PPP1R15B: variants seen among roughly 807,000 people sequenced by gnomAD.
PPP1R15B encodes the protein protein phosphatase 1 regulatory subunit 15B, also known as protein phosphatase 1, regulatory (inhibitor) subunit 15B.
In PPP1R15B, 31 loss-of-function variants were observed where a neutral mutation model predicts 53.9. The observed-to-expected ratio is 0.58, with a 90% CI of 0.43 to 0.78. The LOEUF is 0.78. PPP1R15B is among the 30% of genes least tolerant of loss of function. The pLI is 0.00. For missense variants in PPP1R15B, 928 were observed against 849.6 expected (o/e 1.09, Z -1.15); for synonymous variants, 345 against 329.1 (o/e 1.05, Z -0.52).
At position 204,411,464 on chromosome 1, in the gene PPP1R15B, G is replaced by C. The variant is rs1674378428; in HGVS notation, c.-53C>G. 1.3e-6 allele frequency: 2 copies of C among 1,568,850 alleles called. No individual in the cohort carries two copies. The highest frequency in any genetic ancestry group is 2.3e-5 in the South Asian group (2 of 85,170). On this transcript the variant is annotated 5_prime_UTR_variant, in exon 1 of 2. Coordinates refer to ENST00000367188, the MANE Select transcript of PPP1R15B (RefSeq NM_032833.5). ...AGGGCCGCGGCGCTCAGCGGCTGGA[G>C]GTCGACGGGATTCGGAGGAAGCCTA...
Position 204,409,733 on chromosome 1 carries a change from C to T in PPP1R15B, c.1679G>A (p.Cys560Tyr). The T allele has an allele frequency of 1.2e-6, 2 of 1,614,148 alleles. No individual in the cohort carries two copies. Among genetic ancestry groups the T allele is most frequent in the Non-Finnish European group, 1.7e-6 (2 of 1,180,010 alleles). Residue 560 changes from cysteine to tyrosine, a missense_variant, in exon 1 of 2, where the codon TGT becomes TAT. Cys to Tyr is a radical substitution (Grantham distance 194). Transcript: ENST00000367188. ...AESLKLWNSF[C>Y]NSDDPYNPLN... ...AGGGTTGTAGGGGTCATCAGAATTACAGAATGAGTTCCACAGTTTGAGACT... is the reference window on the plus strand; with the variant it reads ...AGGGTTGTAGGGGTCATCAGAATTATAGAATGAGTTCCACAGTTTGAGACT...
In PPP1R15B at chr1:204,405,200, T is replaced by G; in HGVS notation, c.*892A>C. The G allele has an allele frequency of 1.0e-6, 1 of 984,018 alleles. No homozygotes were observed. Among genetic ancestry groups the G allele is most frequent in the Non-Finnish European group, 1.2e-6 (1 of 828,294 alleles). 61.0% of individuals were successfully genotyped at this position (984,018 alleles called of 1,614,324 possible). On this transcript the variant is annotated 3_prime_UTR_variant, in exon 2 of 2. Coordinates refer to ENST00000367188, the MANE Select transcript of PPP1R15B (RefSeq NM_032833.5). ...TGCTCTGAGATGTCTCCTATTTTCTTTCTAGGAAATTTCTAGGCTTTTAAG... is the reference window on the plus strand; with the variant it reads ...TGCTCTGAGATGTCTCCTATTTTCTGTCTAGGAAATTTCTAGGCTTTTAAG...
chr1:204,407,958 T>A (rs1046827533), intron 1 of PPP1R15B, among the ~76,000 whole-genome samples: 2 of 152,220 alleles, frequency 1.3e-5, no homozygotes, highest in African/African-American at 4.8e-5. Context: ...TAGTCAATAG[T>A]ATCATCTACT....
downstream of PPP1R15B, among the ~76,000 whole-genome samples, chr1:204,399,290 T>G (rs1674136912): frequency 6.6e-6 from 1 of 151,902 alleles, no homozygotes; most frequent in Non-Finnish European, 1.5e-5. Context: ...AGTCCAGGCG[T>G]GGTGGCTCAC....
chr1:204,398,647 G>A (rs1026844010), downstream of PPP1R15B, among the ~76,000 whole-genome samples: 16 of 152,112 alleles, frequency 1.1e-4, no homozygotes, highest in African/African-American at 3.9e-4. Flanking sequence ...ACACATTGAG[G>A]GACCCACCTC....
chr1:204,410,324 T>C lies in PPP1R15B; in HGVS notation c.1088A>G (p.Glu363Gly), dbSNP rs2089891. Residue 363 changes from glutamate to glycine, a missense_variant, in exon 1 of 2, where the codon GAA (glutamate) becomes GGA (glycine). By Grantham distance (98) the Glu-to-Gly change is moderately conservative. Transcript: ENST00000367188. ...CTCTGTAGTTAATAATTCTATTTTT[T>C]CTTCAGTGGATTCCTGGGTGTTTCC... ...IPGNTQESTE[E>G]KIELLTTEVP... The C allele has an allele frequency of 0.078, 125,740 of 1,614,076 alleles. 5,399 individuals carry two copies. The highest frequency in any genetic ancestry group is 0.086 in the Non-Finnish European group (101,723 of 1,179,976).
downstream of PPP1R15B, among the ~76,000 whole-genome samples, chr1:204,402,467 G>A (rs992809400): frequency 2.6e-5 from 4 of 152,088 alleles, no homozygotes; most frequent in East Asian, 1.9e-4. Context: ...GAGTACAATG[G>A]TGGAATCACA....
Position 204,406,016 on chromosome 1 carries a change from C to T in PPP1R15B, c.*76G>A. On this transcript the variant is annotated 3_prime_UTR_variant, in exon 2 of 2. Coordinates refer to ENST00000367188, the MANE Select transcript of PPP1R15B (RefSeq NM_032833.5). Reference sequence around the variant, plus strand: ...TAAAAAAAAAAATGTCAAAGGACAGCTGCCAAGATTTGTTTTTAAAAGACA... The same window carrying T: ...TAAAAAAAAAAATGTCAAAGGACAGTTGCCAAGATTTGTTTTTAAAAGACA... The T allele has an allele frequency of 3.3e-6, 5 of 1,531,208 alleles. No homozygotes were observed. In the South Asian group the frequency reaches 6.4e-5, roughly 20 times the overall value. 94.9% of individuals were successfully genotyped at this position (1,531,208 alleles called of 1,614,324 possible). A position where few individuals can be genotyped will look rare whatever the true frequency, so the allele number is the denominator to read the frequency against.
At chr1:204,398,680 TCTGTAATA>T (rs1674127409), downstream of PPP1R15B, among the ~76,000 whole-genome samples, 2 of 152,228 alleles carry the variant, frequency 1.3e-5, no homozygotes, top group South Asian at 4.2e-4. Context: ...AGCAACCAGA[TCTGTAATA>T]ACAGGTGTCC....
chr1:204,403,687 A>G lies in PPP1R15B; in HGVS notation c.*2405T>C, dbSNP rs541370250. The stretch of plus-strand genomic sequence containing the variant: ...ATTGACACTTAAAGCACCATTAACA[A>G]GACTTTAAATGTATAAAATGTTTAA... On this transcript the variant is annotated 3_prime_UTR_variant, in exon 2 of 2. Coordinates refer to ENST00000367188, the MANE Select transcript of PPP1R15B (RefSeq NM_032833.5). 41 of 984,608 alleles carry G rather than the reference A, an allele frequency of 4.2e-5. No homozygotes were observed. The highest frequency in any genetic ancestry group is 2.8e-4 in the South Asian group (6 of 21,274). 61.0% of individuals were successfully genotyped at this position (984,608 alleles called of 1,614,324 possible).
Position 204,403,695 on chromosome 1 carries a change from A to C in PPP1R15B, c.*2397T>G. 8.1e-6 allele frequency: 8 copies of C among 984,854 alleles called. No homozygotes were observed. The highest frequency in any genetic ancestry group is 9.7e-6 in the Non-Finnish European group (8 of 828,994). The allele number at this position is 984,854 out of a possible 1,614,324, so 61.0% of individuals were successfully genotyped here. A position where few individuals can be genotyped will look rare whatever the true frequency, so the allele number is the denominator to read the frequency against. ...TTAAAGCACCATTAACAAGACTTTA[A>C]ATGTATAAAATGTTTAATTAAAACC... is the stretch of plus-strand genomic sequence containing the variant. On this transcript the variant is annotated 3_prime_UTR_variant, in exon 2 of 2. Coordinates refer to ENST00000367188, the MANE Select transcript of PPP1R15B (RefSeq NM_032833.5).
At position 204,411,625 on chromosome 1, in the gene PPP1R15B, G is replaced by A; in HGVS notation, c.-214C>T. On this transcript the variant is annotated 5_prime_UTR_variant, in exon 1 of 2. Coordinates refer to ENST00000367188, the MANE Select transcript of PPP1R15B (RefSeq NM_032833.5). The stretch of plus-strand genomic sequence containing the variant: ...AAGAACAGCCCGCGCAATAGGCGGC[G>A]ACTGATGCGACTTCCATCCTGGCGG... 1.6e-6 allele frequency: 1 copy of A among 617,032 alleles called. No homozygotes were observed. Among genetic ancestry groups the A allele is most frequent in the South Asian group, 2.0e-5 (1 of 49,670 alleles). The allele number at this position is 617,032 out of a possible 1,614,324, so 38.2% of individuals were successfully genotyped here. A position where few individuals can be genotyped will look rare whatever the true frequency, so the allele number is the denominator to read the frequency against.
At chr1:204,399,463 G>A (rs1674142076), downstream of PPP1R15B, among the ~76,000 whole-genome samples, 1 of 152,034 alleles carries the variant, frequency 6.6e-6, no homozygotes, top group African/African-American at 2.4e-5. Context: ...AGGAGGCTAA[G>A]GCAGGAGAAT....
chr1:204,402,325 CT>C (rs1674191179), downstream of PPP1R15B, among the ~76,000 whole-genome samples: 2 of 152,058 alleles, frequency 1.3e-5, no homozygotes, highest in Admixed American at 1.3e-4. Flanking sequence ...CAAATGCTTT[CT>C]TTTTCGGAGT....
In PPP1R15B at chr1:204,411,572, A is replaced by T. The variant is rs1674381082; in HGVS notation, c.-161T>A. ...GCAGAAAAGCCACAGAGGGCAGCGAATGCGGCAGCGGGCGGCAGAACACAG... is the reference window on the plus strand; with the variant it reads ...GCAGAAAAGCCACAGAGGGCAGCGATTGCGGCAGCGGGCGGCAGAACACAG... On this transcript the variant is annotated 5_prime_UTR_variant, in exon 1 of 2. Transcript: ENST00000367188. 1.0e-6 allele frequency: 1 copy of T among 964,998 alleles called. No individual in the cohort carries two copies. Among genetic ancestry groups the T allele is most frequent in the Non-Finnish European group, 1.5e-6 (1 of 655,582 alleles). The allele number at this position is 964,998 out of a possible 1,614,324, so 59.8% of individuals were successfully genotyped here.
chr1:204,410,387 T>G lies in PPP1R15B; in HGVS notation c.1025A>C (p.Asn342Thr). ...LRMDPKHCRD[N>T]PTQFVPAAGD... ...AGCAGCAGGAACAAACTGTGTTGGG[T>G]TATCTCTGCAGTGTTTTGGATCCAT... Residue 342 changes from asparagine (N) to threonine (T), a missense_variant, in exon 1 of 2, where the codon AAC (asparagine) becomes ACC (threonine). Transcript: ENST00000367188. 1 of 1,614,198 alleles carries G rather than the reference T, an allele frequency of 6.2e-7. No homozygotes were observed. The highest frequency in any genetic ancestry group is 8.5e-7 in the Non-Finnish European group (1 of 1,180,034).
At chr1:204,409,442 T>C (rs777158432) in intron 1 of PPP1R15B, 50 bp downstream of exon 1, 4 of 1,541,392 alleles carry the variant, frequency 2.6e-6, no homozygotes, top group Non-Finnish European at 3.5e-6. Context: ...TATTTAAGCA[T>C]ATAAAAACAG....
At chr1:204,407,962 A>G (rs1674296084) in intron 1 of PPP1R15B, among the ~76,000 whole-genome samples, 1 of 152,230 alleles carries the variant, frequency 6.6e-6, no homozygotes, top group Non-Finnish European at 1.5e-5. Context: ...CAATAGTATC[A>G]TCTACTCCAC....
Position 204,411,008 on chromosome 1 carries a change from G to C in PPP1R15B, c.404C>G (p.Ser135Trp), listed in dbSNP as rs1674363530. Residue 135 changes from serine to tryptophan, a missense_variant, in exon 1 of 2, where the codon TCG becomes TGG. Transcript: ENST00000367188. ...TAGCCAATCAAGGGGACTGGTGACCGAGGGGTCTGAGGAGTCGAGCTGCAG... is the reference window on the plus strand; with the variant it reads ...TAGCCAATCAAGGGGACTGGTGACCCAGGGGTCTGAGGAGTCGAGCTGCAG... The part of the protein sequence containing the change: ...SSLQLDSSDP[S>W]VTSPLDWLEE... 1.2e-6 allele frequency: 2 copies of C among 1,614,004 alleles called. No individual in the cohort carries two copies. The highest frequency in any genetic ancestry group is 1.3e-5 in the African/African-American group (1 of 74,922).
Sources: gnomAD v4.1 joint callset for allele counts (sites outside exome capture counted in the v4.1 genomes callset) on GRCh38, gnomAD v4.1.1 for gene constraint, MANE v1.5 for transcripts, NCBI Gene and HGNC (gene_info 2026-07-23, HGNC 2026-07-21) for gene names.